KCNK13: variants seen among roughly 807,000 people sequenced by gnomAD.
KCNK13 encodes potassium channel subfamily K member 13.
A neutral mutation model predicts 23.4 loss-of-function variants in KCNK13; 12 were observed. The observed-to-expected ratio is 0.51, with a 90% confidence interval of 0.33 to 0.83. KCNK13 has a LOEUF of 0.83. Ranked by LOEUF, KCNK13 falls within the 40% of genes least tolerant of loss-of-function variation. The pLI, the probability that KCNK13 is intolerant of heterozygous loss-of-function variation, is 0.02. For synonymous variants in KCNK13, 231 were observed against 229.5 expected, an observed-to-expected ratio of 1.01 and a Z score of -0.06; for missense variants, 463 against 556.3, an observed-to-expected ratio of 0.83 and a Z score of 1.69.
chr14:90,126,906 A>T (rs1356966634), intron 1 of KCNK13, among the ~76,000 whole-genome samples: 1 of 152,156 alleles, frequency 6.6e-6, no homozygotes, highest in Admixed American at 6.5e-5. Context: ...CAAAATACCT[A>T]ACCAGTACAT....
Position 90,184,939 on chromosome 14 carries a change from CAG to C in KCNK13, c.1164_1165del (p.Val391GlyfsTer66), listed in dbSNP as rs1491378490. ...ACACTGGCCCGGGACAATGAATTCT[CAG>C]GGGGGGTGGGAGCCTTTGCAATCAT... On this transcript the variant is annotated frameshift_variant, in exon 2 of 2. Transcript: ENST00000282146. LOFTEE classifies it high-confidence loss of function. This position sits in a 1 kb window ranked among gnomAD's most constrained non-coding sequence, Gnocchi z 5.6. The C allele has an allele frequency of 6.2e-7, 1 of 1,612,536 alleles. No homozygotes were observed. The highest frequency in any genetic ancestry group is 1.3e-5 in the African/African-American group (1 of 75,026).
chr14:90,075,351 A>G (rs1036332228), intron 1 of KCNK13, among the ~76,000 whole-genome samples: 2 of 152,180 alleles, frequency 1.3e-5, no homozygotes, highest in Non-Finnish European at 2.9e-5. Flanking sequence ...CATGCCTCCC[A>G]GGTCCTTGTT....
At chr14:90,113,119 T>C (rs1889635289) in intron 1 of KCNK13, among the ~76,000 whole-genome samples, 1 of 152,144 alleles carries the variant, frequency 6.6e-6, no homozygotes, top group Admixed American at 6.5e-5. Flanking sequence ...TTTGCCATAT[T>C]GCCCAGGCGA....
At chr14:90,077,030 A>G (rs972986666) in intron 1 of KCNK13, among the ~76,000 whole-genome samples, 2 of 150,068 alleles carry the variant, frequency 1.3e-5, no homozygotes, top group African/African-American at 4.9e-5. Context: ...CATGTTAGCC[A>G]GGATGGTCTC....
intron 1 of KCNK13, among the ~76,000 whole-genome samples, chr14:90,176,081 A>G (rs960770502): frequency 1.3e-5 from 2 of 152,196 alleles, no homozygotes; most frequent in Non-Finnish European, 2.9e-5. Flanking sequence ...TTCATCTCTT[A>G]ATGGGAAAAA....
At position 90,185,106 on chromosome 14, in the gene KCNK13, G is replaced by A; in HGVS notation, c.*103G>A. ...CGCCTTGGCTCTGTTCCTTCTGGGA[G>A]CTGTTCCCGGGAGCCTCCGCAAGCA... is the stretch of plus-strand genomic sequence containing the variant. On this transcript the variant is annotated 3_prime_UTR_variant, in exon 2 of 2. Transcript: ENST00000282146. 3 of 1,093,354 alleles carry A rather than the reference G, an allele frequency of 2.7e-6. No individual in the cohort carries two copies. The highest frequency in any genetic ancestry group is 3.8e-6 in the Non-Finnish European group (3 of 796,308). The allele number at this position is 1,093,354 out of a possible 1,614,324, so 67.7% of individuals were successfully genotyped here.
intron 1 of KCNK13, among the ~76,000 whole-genome samples, chr14:90,136,804 C>T (rs539475812): frequency 1.3e-5 from 2 of 152,182 alleles, no homozygotes; most frequent in African/African-American, 4.8e-5. Flanking sequence ...CCCCTCATTC[C>T]AGGTTGAACC....
At chr14:90,075,639 C>T (rs1298022193) in intron 1 of KCNK13, among the ~76,000 whole-genome samples, 4 of 152,020 alleles carry the variant, frequency 2.6e-5, no homozygotes, top group East Asian at 3.9e-4. Context: ...CCACCATGCT[C>T]GGCTAATTTT....
At position 90,062,402 on chromosome 14, in the gene KCNK13, TGAGCCGCGAC is replaced by T; in HGVS notation, c.202_211del (p.Arg68CysfsTer41). The T allele has an allele frequency of 6.5e-7, 1 of 1,547,766 alleles. No homozygotes were observed. On this transcript the variant is annotated frameshift_variant, in exon 1 of 2. Transcript: ENST00000282146. LOFTEE classifies it high-confidence loss of function. This position sits in a 1 kb window ranked among gnomAD's most constrained non-coding sequence, Gnocchi z 4.5. ...GCCAACTTCAGCCGCGGCCACAACC[TGAGCCGCGAC>T]GAGCTGCGCGGCTTCCTCCGCCACT...
chr14:90,147,550 G>A (rs888354638), intron 1 of KCNK13, among the ~76,000 whole-genome samples: 1 of 151,990 alleles, frequency 6.6e-6, no homozygotes, highest in Non-Finnish European at 1.5e-5. Context: ...TTCTTAGATT[G>A]TCACTTGCCT....
chr14:90,121,538 T>C (rs1889738938), intron 1 of KCNK13, among the ~76,000 whole-genome samples: 1 of 152,198 alleles, frequency 6.6e-6, no homozygotes, highest in South Asian at 2.1e-4. Flanking sequence ...TTCTTTATTG[T>C]TGGCTGTTTT....
At chr14:90,120,360 G>A (rs1027551397) in intron 1 of KCNK13, among the ~76,000 whole-genome samples, 2 of 152,176 alleles carry the variant, frequency 1.3e-5, no homozygotes, top group South Asian at 2.1e-4. Context: ...TTTATCTACT[G>A]TGTTAGTCCA....
chr14:90,070,322 G>A (rs530454183), intron 1 of KCNK13, among the ~76,000 whole-genome samples: 1 of 152,226 alleles, frequency 6.6e-6, no homozygotes, highest in South Asian at 2.1e-4. Context: ...ATAATTAATA[G>A]CTCTGATTTT....
At chr14:90,128,915 C>T (rs563438510) in intron 1 of KCNK13, among the ~76,000 whole-genome samples, 118 of 152,296 alleles carry the variant, frequency 7.7e-4, no homozygotes, top group Middle Eastern at 6.8e-3. Flanking sequence ...AACCTGAGGA[C>T]GGAGGCATTA....
intron 1 of KCNK13, among the ~76,000 whole-genome samples, chr14:90,076,272 G>A (rs374332270): frequency 1.9e-4 from 29 of 152,310 alleles, no homozygotes; most frequent in Middle Eastern, 3.4e-3. Flanking sequence ...AAGAAGTTCA[G>A]AGGTCTGTGG....
chr14:90,091,913 T>C (rs1408556579), intron 1 of KCNK13, among the ~76,000 whole-genome samples: 1 of 150,560 alleles, frequency 6.6e-6, no homozygotes, highest in East Asian at 2.0e-4. Flanking sequence ...AATTTCATTT[T>C]GGGAAAGAGA....
At chr14:90,107,899 C>A in intron 1 of KCNK13, 1 of 774,760 alleles carries the variant, frequency 1.3e-6, no homozygotes, top group South Asian at 1.3e-5. Flanking sequence ...GAGTCTTTAT[C>A]AGTAAAGATT....
At chr14:90,076,977 A>G (rs1263603433) in intron 1 of KCNK13, among the ~76,000 whole-genome samples, 1 of 151,360 alleles carries the variant, frequency 6.6e-6, no homozygotes, top group African/African-American at 2.4e-5. Flanking sequence ...CCGCCACCAC[A>G]CCTGGCTAAT....
rs35904557 is a variant in KCNK13 at position 90,085,726 on chromosome 14, A to AAT, written c.334+23197_334+23198dup. Among the ~76,000 whole-genome samples, 7 of 139,792 alleles carry AAT rather than the reference A, an allele frequency of 5.0e-5. No individual in the cohort carries two copies. The South Asian group carries it at 6.4e-4, about 13-fold the overall frequency. 91.7% of individuals were successfully genotyped at this position (139,792 alleles called of 152,430 possible). A position where few individuals can be genotyped will look rare whatever the true frequency, so the allele number is the denominator to read the frequency against. ...TTATATATTATATATACTTATATATAATATATATATACTTATATAATTATA... is the reference window on the plus strand; with the variant it reads ...TTATATATTATATATACTTATATATAATATATATATATACTTATATAATTATA... On this transcript the variant is annotated intron_variant, in intron 1 of 1. Coordinates refer to ENST00000282146, the MANE Select transcript of KCNK13 (RefSeq NM_022054.4).
Sources: gnomAD v4.1 joint callset for allele counts (sites outside exome capture counted in the v4.1 genomes callset) on GRCh38, gnomAD v4.1.1 for gene constraint, Gnocchi (gnomAD v3.1) non-coding constraint, MANE v1.5 for transcripts, NCBI Gene and HGNC (gene_info 2026-07-23, HGNC 2026-07-21) for gene names.